The following TEX14 variants were observed in gnomAD, a reference collection of about 807,000 sequenced individuals.
The protein encoded by TEX14 is testis expressed 14, intercellular bridge forming factor, also known as inactive serine/threonine-protein kinase TEX14.
In TEX14, 168 loss-of-function variants were observed where a neutral mutation model predicts 178.6. The ratio of observed to expected loss-of-function variants is 0.94; its 90% CI spans 0.83 to 1.07. The LOEUF is 1.07. TEX14 is among the 50% of genes least tolerant of loss of function. The pLI is 0.00. For missense variants in TEX14, 1,730 were observed against 1,753.6 expected (o/e 0.99, Z 0.24); for synonymous variants, 626 against 634.1 (o/e 0.99, Z 0.19).
intron 2 of TEX14, among the ~76,000 whole-genome samples, chr17:58,633,876 G>A (rs144044451): frequency 0.049 from 7,403 of 151,574 alleles, 258 homozygotes; most frequent in Middle Eastern, 0.076. Context: ...GCTGAGGCAG[G>A]AGAATCACTT....
In TEX14 at chr17:58,565,829, C is replaced by T. The variant is rs1408442202; in HGVS notation, c.3887-5G>A. 5 of 1,601,726 alleles carry T rather than the reference C, an allele frequency of 3.1e-6. No individual in the cohort carries two copies. The highest frequency in any genetic ancestry group is 4.3e-6 in the Non-Finnish European group (5 of 1,174,120). ...CCTGCTGCTGTTTCAAGAGCTCTGT[C>T]ACAACACAAAAGCCAAAGGAAACTT... On this transcript the variant is annotated splice_region_variant and splice_polypyrimidine_tract_variant and intron_variant, in intron 26 of 31. Coordinates refer to ENST00000349033, the MANE Select transcript of TEX14 (RefSeq NM_031272.5).
At chr17:58,557,904 A>G in intron 30 of TEX14, 54 bp from the exon 31 acceptor site, 2 of 1,430,092 alleles carry the variant, frequency 1.4e-6, no homozygotes, top group Non-Finnish European at 2.0e-6. Context: ...TCTAGGTCAA[A>G]GGGTGCCAGT....
intron 9 of TEX14, among the ~76,000 whole-genome samples, chr17:58,613,128 G>C (rs2045785856): frequency 6.6e-6 from 1 of 151,994 alleles, no homozygotes; most frequent in Non-Finnish European, 1.5e-5. Flanking sequence ...CTTGAATCCA[G>C]GAGGTAGAGG....
At chr17:58,682,412 C>T (rs1217393969) in intron 1 of TEX14, among the ~76,000 whole-genome samples, 1 of 152,066 alleles carries the variant, frequency 6.6e-6, no homozygotes, top group African/African-American at 2.4e-5. Context: ...CACATGCCAC[C>T]ATGCCCGGCT....
At chr17:58,635,869 C>T (rs1010330785) in intron 2 of TEX14, among the ~76,000 whole-genome samples, 41 of 152,124 alleles carry the variant, frequency 2.7e-4, no homozygotes, top group Admixed American at 2.6e-3. Context: ...CCTCAGCCTC[C>T]CCAGTAGCTG....
rs1386564043 is a variant in TEX14, at chr17:58,602,397, T to G, written c.1527+3A>C. On this transcript the variant is annotated splice_donor_region_variant and intron_variant, in intron 12 of 31. Transcript: ENST00000349033. ...ATAAACTCCCAACAACTTCAGGGCT[T>G]GCCTTTAAGTCATTCTTCAGAATAT... 1.9e-6 allele frequency: 3 copies of G among 1,606,010 alleles called. No individual in the cohort carries two copies. Among genetic ancestry groups the G allele is most frequent in the Non-Finnish European group, 2.6e-6 (3 of 1,174,622 alleles).
chr17:58,661,253 G>GTTAA, intron 1 of TEX14: 1 of 797,252 alleles, frequency 1.3e-6, no homozygotes, highest in Non-Finnish European at 2.3e-6. Context: ...ATGGCACTGA[G>GTTAA]TTAAGTATTT....
intron 13 of TEX14, among the ~76,000 whole-genome samples, chr17:58,600,797 G>C (rs2144477002): frequency 6.6e-6 from 1 of 152,198 alleles, no homozygotes; most frequent in Admixed American, 6.5e-5. Flanking sequence ...GGAATTGGAA[G>C]GCCTGGGTTC....
At chr17:58,659,080 C>T (rs1237405202) in intron 1 of TEX14, among the ~76,000 whole-genome samples, 1 of 113,112 alleles carries the variant, frequency 8.8e-6, no homozygotes, top group Non-Finnish European at 1.7e-5. Context: ...ACGCGCGCCA[C>T]TACAACAACT....
At chr17:58,644,638 CTTTTTTTTTTTT>C (rs34373378) in intron 2 of TEX14, among the ~76,000 whole-genome samples, 5 of 39,568 alleles carry the variant, frequency 1.3e-4, no homozygotes, top group African/African-American at 3.7e-4. Flanking sequence ...CCGCACCTGG[CTTTTTTTTTTTT>C]TTTTTTTTTT....
intron 22 of TEX14, 51 bp from the exon 23 acceptor site, chr17:58,573,359 A>G (rs535211598): frequency 6.3e-7 from 1 of 1,575,450 alleles, no homozygotes; most frequent in East Asian, 2.2e-5. Context: ...TAGAAAAATC[A>G]AACAATATAT....
At chr17:58,667,160 C>T (rs1459157021) in intron 1 of TEX14, among the ~76,000 whole-genome samples, 8 of 152,192 alleles carry the variant, frequency 5.3e-5, no homozygotes, top group African/African-American at 1.9e-4. Flanking sequence ...GGGATACCCA[C>T]GCTGTGAACC....
At chr17:58,636,306 A>T (rs1185146534) in intron 2 of TEX14, among the ~76,000 whole-genome samples, 2 of 152,230 alleles carry the variant, frequency 1.3e-5, no homozygotes, top group African/African-American at 4.8e-5. Context: ...GGCAGCTATG[A>T]CATGGTACAA....
chr17:58,637,966 A>G (rs2046478193), intron 2 of TEX14, among the ~76,000 whole-genome samples: 1 of 150,970 alleles, frequency 6.6e-6, no homozygotes, highest in African/African-American at 2.4e-5. Context: ...GGTTCAAGCA[A>G]TTCTCCTGCC....
chr17:58,581,755 T>A, intron 19 of TEX14: 1 of 1,603,672 alleles, frequency 6.2e-7, no homozygotes, highest in Middle Eastern at 1.8e-4. Context: ...GGAAATCACT[T>A]TTAAGTTGCT....
intron 1 of TEX14, chr17:58,660,533 C>T (rs781708288): frequency 5.4e-6 from 4 of 738,436 alleles, no homozygotes; most frequent in African/African-American, 1.7e-5. Flanking sequence ...TTTTCCTTGG[C>T]GGGGAAGGTG....
At chr17:58,619,693 TAAG>T (rs1254107131) in intron 5 of TEX14, among the ~76,000 whole-genome samples, 2 of 148,478 alleles carry the variant, frequency 1.3e-5, no homozygotes, top group African/African-American at 5.0e-5. Context: ...TCCCAGCTAC[TAAG>T]GAGGCTGAGG....
In TEX14 at chr17:58,613,463, C is replaced by T. The variant is rs2045795196; in HGVS notation, c.963G>A (p.Glu321=). 1.9e-6 allele frequency: 3 copies of T among 1,614,124 alleles called. No individual in the cohort carries two copies. The highest frequency in any genetic ancestry group is 2.2e-5 in the East Asian group (1 of 44,880). The change falls in exon 9 of 32, where the codon GAG becomes GAA. Residue 321 remains glutamate (E), a synonymous_variant. Transcript: ENST00000349033. ...TGAACAATGTGCCGATAGTGATGCG[C>T]TCGTACACAAGGCGGGTTTTCTCTA... ...QDLEKTRLVY[E]RITIGTLFSV...
rs149680554 is a variant in TEX14, at chr17:58,605,044, G to C, written c.1270C>G (p.Gln424Glu). The change falls in exon 11 of 32, where the codon CAG becomes GAG. Residue 424 changes from glutamine (Q) to glutamate (E), a missense_variant. Coordinates refer to ENST00000349033, the MANE Select transcript of TEX14 (RefSeq NM_031272.5). ...TCTGATTTCACTGTGGCTGCCTTCT[G>C]TAAGATCACTTCTGGTGCGGCCCAG... ...YNWAAPEVILQKAATVKSDIY... is the reference protein window; with the variant it reads ...YNWAAPEVILEKAATVKSDIY... 1.6e-5 allele frequency: 26 copies of C among 1,614,206 alleles called. No individual in the cohort carries two copies. In the African/African-American group the frequency reaches 3.2e-4, roughly 20 times the overall value.
Sources: gnomAD v4.1 joint callset for allele counts (sites outside exome capture counted in the v4.1 genomes callset) on GRCh38, gnomAD v4.1.1 for gene constraint, MANE v1.5 for transcripts, NCBI Gene and HGNC (gene_info 2026-07-23, HGNC 2026-07-21) for gene names.